The following MALRD1 variants were observed in gnomAD, a reference collection of about 807,000 sequenced individuals.
MALRD1 encodes the protein MAM and LDL-receptor class A domain-containing protein 1.
A neutral mutation model predicts 242.1 loss-of-function variants in MALRD1; 247 were observed. The observed-to-expected ratio is 1.02, with a 90% confidence interval of 0.92 to 1.13. MALRD1 has a LOEUF of 1.13. Among genes scored for constraint, MALRD1 ranks in the 50% most tolerant of loss-of-function variants. The pLI is 0.00. For synonymous variants in MALRD1, 995 were observed against 866.6 expected, an observed-to-expected ratio of 1.15 and a Z score of -2.60; for missense variants, 2,989 against 2,533.1, an observed-to-expected ratio of 1.18 and a Z score of -3.86.
intron 2 of MALRD1, among the ~76,000 whole-genome samples, chr10:19,085,645 CAA>C (rs778080690): frequency 3.3e-5 from 5 of 151,722 alleles, no homozygotes; most frequent in African/African-American, 1.2e-4. Context: ...TACCAAATGA[CAA>C]AGTTTTTATT....
chr10:19,655,530 G>GTATA (rs56752723), intron 36 of MALRD1, among the ~76,000 whole-genome samples: 1,696 of 108,496 alleles, frequency 0.016, 20 homozygotes, highest in East Asian at 0.023. Flanking sequence ...ATGTGTGAGT[G>GTATA]TATATATATA....
intron 21 of MALRD1, among the ~76,000 whole-genome samples, chr10:19,315,704 TATTTA>T (rs907852421): frequency 1.5e-5 from 2 of 135,374 alleles, no homozygotes; most frequent in African/African-American, 5.5e-5. Flanking sequence ...ATATAATACA[TATTTA>T]ATTATATATT....
chr10:19,265,011 T>C (rs150340965), intron 19 of MALRD1, among the ~76,000 whole-genome samples: 3 of 152,294 alleles, frequency 2.0e-5, no homozygotes, highest in African/African-American at 7.2e-5. Context: ...ATCTATTTCT[T>C]TAATGCTGTT....
At position 19,080,874 on chromosome 10, in the gene MALRD1, C is replaced by G. The variant is rs76356710; in HGVS notation, c.341-6966C>G. Among the ~76,000 whole-genome samples, 414 of 151,994 alleles carry G rather than the reference C, an allele frequency of 2.7e-3. 1 individual carries two copies. Among genetic ancestry groups the G allele is most frequent in the African/African-American group, 9.6e-3 (397 of 41,502 alleles). The stretch of plus-strand genomic sequence containing the variant: ...AAATGTTTTCAGTCTATTTATCCAG[C>G]AAAGGTCAAATATCCAGAGTCTGCC... On this transcript the variant is annotated intron_variant, in intron 2 of 39. Transcript: ENST00000454679.
At position 19,681,703 on chromosome 10, in the gene MALRD1, A is replaced by G. The variant is rs565920352; in HGVS notation, c.6138-10579A>G. Among the ~76,000 whole-genome samples, 11 of 152,164 alleles carry G rather than the reference A, an allele frequency of 7.2e-5. No individual in the cohort carries two copies. The East Asian group carries it at 2.1e-3, about 29-fold the overall frequency. Reference sequence around the variant, plus strand: ...CTCAGCCCAGTTCTGTGCCCTTGCTAGAGAGGTGTTGTGATCATTTGGAGG... The same window carrying G: ...CTCAGCCCAGTTCTGTGCCCTTGCTGGAGAGGTGTTGTGATCATTTGGAGG... On this transcript the variant is annotated intron_variant, in intron 36 of 39. Transcript: ENST00000454679.
chr10:19,262,621 A>C (rs189969641), intron 19 of MALRD1, among the ~76,000 whole-genome samples: 1 of 147,806 alleles, frequency 6.8e-6, no homozygotes, highest in Non-Finnish European at 1.5e-5. Flanking sequence ...ATGCTACTGC[A>C]CTCCAGCCTG....
intron 32 of MALRD1, among the ~76,000 whole-genome samples, chr10:19,560,895 A>T (rs1835934584): frequency 6.6e-6 from 1 of 152,158 alleles, no homozygotes; most frequent in South Asian, 2.1e-4. Flanking sequence ...CCACCATGGC[A>T]CGTGTATACC....
intron 32 of MALRD1, among the ~76,000 whole-genome samples, chr10:19,562,594 C>G (rs914728490): frequency 6.6e-6 from 1 of 152,082 alleles, no homozygotes; most frequent in African/African-American, 2.4e-5. Context: ...CCATGTGTCC[C>G]CCTCTTTCTT....
chr10:19,660,767 A>G (rs12249987), intron 36 of MALRD1, among the ~76,000 whole-genome samples: 7,695 of 152,270 alleles, frequency 0.051, 258 homozygotes, highest in Middle Eastern at 0.095. Context: ...TTCATAAAAG[A>G]GAAACCTAGT....
intron 18 of MALRD1, among the ~76,000 whole-genome samples, chr10:19,234,632 TAA>T (rs11370975): frequency 0.014 from 2,158 of 151,022 alleles, 43 homozygotes; most frequent in African/African-American, 0.05. Context: ...AGCTTATCTT[TAA>T]AAAAAAAGCG....
At chr10:19,468,176 A>G (rs535093562) in intron 29 of MALRD1, among the ~76,000 whole-genome samples, 21 of 152,320 alleles carry the variant, frequency 1.4e-4, no homozygotes, top group African/African-American at 5.1e-4. Flanking sequence ...TTTATTCCTT[A>G]ATGGTTAATT....
At chr10:19,719,187 TATACATACATATATATATATATATACAC>T (rs1834580296) in intron 38 of MALRD1, among the ~76,000 whole-genome samples, 1 of 91,818 alleles carries the variant, frequency 1.1e-5, no homozygotes, top group Non-Finnish European at 1.9e-5. Context: ...TATATATATA[TATACATACATATATATATATATATACAC>T]ATACATACAT....
At chr10:19,537,468 A>T (rs1362319311) in intron 32 of MALRD1, among the ~76,000 whole-genome samples, 1 of 152,130 alleles carries the variant, frequency 6.6e-6, no homozygotes, top group Non-Finnish European at 1.5e-5. Context: ...ACTTCACATG[A>T]TGGAAAAGGC....
chr10:19,352,374 A>C, intron 26 of MALRD1, 77 bp downstream of exon 26: 1 of 1,326,078 alleles, frequency 7.5e-7, no homozygotes, highest in Non-Finnish European at 1.0e-6. Flanking sequence ...ATGCAAAAGA[A>C]ATAGCATAAA....
At chr10:19,293,378 T>C (rs1841540909) in intron 21 of MALRD1, among the ~76,000 whole-genome samples, 1 of 152,222 alleles carries the variant, frequency 6.6e-6, no homozygotes. Context: ...AGTATTGCCA[T>C]AGGACTGAAT....
At chr10:19,586,150 A>G (rs1407509442) in intron 33 of MALRD1, among the ~76,000 whole-genome samples, 2 of 152,040 alleles carry the variant, frequency 1.3e-5, no homozygotes, top group Admixed American at 1.3e-4. Context: ...AAAGTTTTCA[A>G]CTTCTTTGCC....
intron 18 of MALRD1, among the ~76,000 whole-genome samples, chr10:19,223,053 T>G (rs912815595): frequency 6.6e-6 from 1 of 152,200 alleles, no homozygotes; most frequent in Admixed American, 6.5e-5. Flanking sequence ...ATGGAACATA[T>G]CAACTCACTA....
Position 19,257,695 on chromosome 10 carries a change from G to A in MALRD1, c.3003G>A (p.Glu1001=). ...SSRQPFQILV[E]ASVGDGFTGD... ...TTTTATTTTTTTAGATATTGGTGGA[G>A]GCTTCAGTGGGAGATGGCTTCACTG... is the stretch of plus-strand genomic sequence containing the variant. Residue 1001 remains glutamate, a synonymous_variant, in exon 19 of 40, where the codon GAG becomes GAA. Transcript: ENST00000454679. 2 of 1,535,406 alleles carry A rather than the reference G, an allele frequency of 1.3e-6. No homozygotes were observed. The highest frequency in any genetic ancestry group is 1.8e-6 in the Non-Finnish European group (2 of 1,137,642).
At chr10:19,289,178 C>T (rs979472357) in intron 21 of MALRD1, among the ~76,000 whole-genome samples, 4 of 152,064 alleles carry the variant, frequency 2.6e-5, no homozygotes, top group Non-Finnish European at 4.4e-5. Context: ...TATGAATAAT[C>T]TATAAGTCCA....
Sources: gnomAD v4.1 joint callset for allele counts (sites outside exome capture counted in the v4.1 genomes callset) on GRCh38, gnomAD v4.1.1 for gene constraint, MANE v1.5 for transcripts, NCBI Gene and HGNC (gene_info 2026-07-23, HGNC 2026-07-21) for gene names.